ESRRG: variants seen among roughly 807,000 people sequenced by gnomAD.
ESRRG encodes the protein estrogen related receptor gamma.
Under a neutral mutation model 44.0 loss-of-function variants are expected in ESRRG, and 13 were observed. The observed-to-expected ratio is 0.30, with a 90% CI of 0.19 to 0.47. ESRRG has a LOEUF of 0.47. ESRRG is among the 20% of genes least tolerant of loss of function. The probability of loss-of-function intolerance (pLI) is 1.00; values close to 1 mark genes in which losing one functional copy is unlikely to be tolerated. For missense variants in ESRRG, 395 were observed against 580.6 expected (o/e 0.68, Z 3.29); for synonymous variants, 215 against 214.6 (o/e 1.00, Z -0.02).
chr1:216,566,817 T>G (rs1314500801), intron 4 of ESRRG, among the ~76,000 whole-genome samples: 1 of 152,174 alleles, frequency 6.6e-6, no homozygotes, highest in South Asian at 2.1e-4. Context: ...ATAATCAACA[T>G]AATGTTTTTT....
intron 1 of ESRRG, among the ~76,000 whole-genome samples, chr1:216,975,776 A>G (rs1270981511): frequency 1.3e-5 from 2 of 152,210 alleles, no homozygotes; most frequent in Non-Finnish European, 2.9e-5. Flanking sequence ...AACTGGTCAA[A>G]TAACCCGGAC....
chr1:216,784,386 T>A (rs1271233118), intron 2 of ESRRG, among the ~76,000 whole-genome samples: 1 of 152,056 alleles, frequency 6.6e-6, no homozygotes, highest in Non-Finnish European at 1.5e-5. Context: ...TAATTCTCTA[T>A]CTGAGTTACT....
At chr1:216,918,435 C>T (rs2149685903) in intron 2 of ESRRG, among the ~76,000 whole-genome samples, 3 of 152,166 alleles carry the variant, frequency 2.0e-5, no homozygotes, top group Middle Eastern at 3.4e-3. Context: ...TATGTGTTAC[C>T]TATTTTTAAG....
At chr1:216,732,565 C>T (rs2089049844) in intron 2 of ESRRG, among the ~76,000 whole-genome samples, 3 of 151,650 alleles carry the variant, frequency 2.0e-5, no homozygotes, top group South Asian at 2.1e-4. Context: ...ATAGTAGAGA[C>T]GGGATTTCAC....
At chr1:216,811,889 A>C (rs2576237) in intron 2 of ESRRG, among the ~76,000 whole-genome samples, 140,077 of 152,206 alleles carry the variant, frequency 0.92, 64,615 homozygotes, top group Middle Eastern at 0.98. Context: ...CTAAAGTCTT[A>C]TAAAATGGTG....
At chr1:216,962,680 T>TG (rs1334340889) in intron 1 of ESRRG, among the ~76,000 whole-genome samples, 1 of 152,186 alleles carries the variant, frequency 6.6e-6, no homozygotes, top group African/African-American at 2.4e-5. Flanking sequence ...GCTACCAGAA[T>TG]GTATGAACAG....
chr1:216,704,362 A>C (rs1026738750), intron 1 of ESRRG, among the ~76,000 whole-genome samples: 1 of 152,152 alleles, frequency 6.6e-6, no homozygotes, highest in African/African-American at 2.4e-5. Context: ...AAAAATACAA[A>C]AAAATTTAGC....
At chr1:216,951,233 T>C (rs1410226574) in intron 1 of ESRRG, among the ~76,000 whole-genome samples, 1 of 152,218 alleles carries the variant, frequency 6.6e-6, no homozygotes, top group Middle Eastern at 3.2e-3. Flanking sequence ...ACAATATTAG[T>C]AACATTAAGC....
chr1:217,098,062 G>A (rs943329858), intron 1 of ESRRG, among the ~76,000 whole-genome samples: 15 of 152,288 alleles, frequency 9.8e-5, no homozygotes, highest in African/African-American at 3.6e-4. Context: ...AGAGTCACTG[G>A]CAAATGTAGG....
At chr1:216,771,323 T>G (rs1487438694) in intron 2 of ESRRG, among the ~76,000 whole-genome samples, 1 of 152,286 alleles carries the variant, frequency 6.6e-6, no homozygotes, top group East Asian at 1.9e-4. Flanking sequence ...TATAACAGTA[T>G]GTAAAAAATT....
intron 1 of ESRRG, among the ~76,000 whole-genome samples, chr1:216,980,022 C>T (rs1458843943): frequency 1.3e-5 from 2 of 151,782 alleles, no homozygotes; most frequent in Non-Finnish European, 2.9e-5. Context: ...CTCTTCCATA[C>T]AAAATGCTAT....
chr1:217,033,728 C>A (rs2082414771), intron 1 of ESRRG, among the ~76,000 whole-genome samples: 1 of 152,152 alleles, frequency 6.6e-6, no homozygotes, highest in African/African-American at 2.4e-5. Context: ...TACCAGTTAG[C>A]TTAATTTGAC....
chr1:216,988,191 T>G (rs1445781819), intron 1 of ESRRG, among the ~76,000 whole-genome samples: 20 of 152,194 alleles, frequency 1.3e-4, no homozygotes, highest in Non-Finnish European at 2.8e-4. Flanking sequence ...TAGAGTTGCA[T>G]AATTCCTATT....
intron 2 of ESRRG, among the ~76,000 whole-genome samples, chr1:216,888,586 G>T (rs1375653139): frequency 6.6e-6 from 1 of 151,940 alleles, no homozygotes; most frequent in African/African-American, 2.4e-5. Context: ...TTACCTACAG[G>T]GTCATGGGAT....
intron 1 of ESRRG, among the ~76,000 whole-genome samples, chr1:217,027,808 C>A (rs2081448986): frequency 6.6e-6 from 1 of 152,058 alleles, no homozygotes; most frequent in African/African-American, 2.4e-5. Flanking sequence ...ATAAAGTAGA[C>A]AAATAACAAT....
chr1:217,055,742 T>C (rs537826523), intron 1 of ESRRG, among the ~76,000 whole-genome samples: 5 of 133,928 alleles, frequency 3.7e-5, no homozygotes. Context: ...TTACACTACA[T>C]GAGGCCACCA....
intron 2 of ESRRG, among the ~76,000 whole-genome samples, chr1:216,827,710 C>T (rs1029184949): frequency 2.0e-5 from 3 of 152,072 alleles, no homozygotes; most frequent in African/African-American, 7.2e-5. Flanking sequence ...ATGGTGCATA[C>T]AGTATCAAGT....
intron 2 of ESRRG, among the ~76,000 whole-genome samples, chr1:216,912,176 A>AGG (rs2060476066): frequency 3.3e-5 from 1 of 30,092 alleles, no homozygotes; most frequent in Non-Finnish European, 6.1e-5. Context: ...AAAAGAAAAG[A>AGG]AAAGAAAAGG....
chr1:216,552,544 T>C (rs1404518134), intron 5 of ESRRG, among the ~76,000 whole-genome samples: 3 of 152,172 alleles, frequency 2.0e-5, no homozygotes, highest in African/African-American at 4.8e-5. Context: ...CGTTAGCTCA[T>C]TGGATTATCT....
Sources: gnomAD v4.1 joint callset for allele counts (sites outside exome capture counted in the v4.1 genomes callset) on GRCh38, gnomAD v4.1.1 for gene constraint, MANE v1.5 for transcripts, NCBI Gene and HGNC (gene_info 2026-07-23, HGNC 2026-07-21) for gene names.